Variants in SLC24A2 observed in about 807,000 individuals in gnomAD.
SLC24A2 encodes sodium/potassium/calcium exchanger 2.
SLC24A2 carries 36 observed loss-of-function variants against 62.0 expected under a neutral mutation model. That is an observed-to-expected ratio of 0.58 (90% CI 0.44 to 0.77). SLC24A2 has a LOEUF of 0.77. Among genes scored for constraint, SLC24A2 ranks in the 30% least tolerant of loss-of-function variants. The pLI, the probability that SLC24A2 is intolerant of heterozygous loss-of-function variation, is 0.00. For missense variants in SLC24A2, 846 were observed against 817.9 expected, an observed-to-expected ratio of 1.03 and a Z score of -0.42; for synonymous variants, 358 against 294.0, an observed-to-expected ratio of 1.22 and a Z score of -2.23.
intron 2 of SLC24A2, among the ~76,000 whole-genome samples, chr9:19,649,534 A>G (rs2224488): frequency 4.6e-5 from 7 of 151,942 alleles, no homozygotes; most frequent in Non-Finnish European, 7.4e-5. Context: ...TTTCTTTCAG[A>G]ATTTGAAAAT....
intron 2 of SLC24A2, among the ~76,000 whole-genome samples, chr9:19,639,596 C>T (rs1023935490): frequency 1.4e-4 from 22 of 152,228 alleles, no homozygotes; most frequent in East Asian, 1.9e-4. Flanking sequence ...GCATGGGACA[C>T]GCCCAGGTGT....
the SLC24A2 span, among the ~76,000 whole-genome samples, chr9:20,241,221 A>T: frequency 6.4e-3 from 971 of 152,344 alleles, 9 homozygotes; most frequent in African/African-American, 0.019. Flanking sequence ...TTAGGACCCA[A>T]AAGAAATTAC....
chr9:19,665,047 T>C (rs187465195), intron 2 of SLC24A2, among the ~76,000 whole-genome samples: 5 of 152,260 alleles, frequency 3.3e-5, no homozygotes, highest in Non-Finnish European at 5.9e-5. Flanking sequence ...CTCTTCCTCA[T>C]AGAATTTCAA....
the SLC24A2 span, among the ~76,000 whole-genome samples, chr9:20,125,287 A>G: frequency 6.6e-6 from 1 of 152,198 alleles, no homozygotes; most frequent in African/African-American, 2.4e-5. Flanking sequence ...ATATGTATTC[A>G]TTTTACAGAT....
chr9:19,851,795 G>A, the SLC24A2 span, among the ~76,000 whole-genome samples: 8 of 152,300 alleles, frequency 5.3e-5, no homozygotes, highest in African/African-American at 1.9e-4. Flanking sequence ...GAACATACAA[G>A]TGCATGTATC....
chr9:19,849,072 G>A, the SLC24A2 span, among the ~76,000 whole-genome samples: 1 of 152,178 alleles, frequency 6.6e-6, no homozygotes, highest in East Asian at 1.9e-4. Context: ...CGAGAAATGT[G>A]TACAGGGCTG....
At chr9:20,169,463 C>T in the SLC24A2 span, among the ~76,000 whole-genome samples, 2 of 152,112 alleles carry the variant, frequency 1.3e-5, no homozygotes, top group African/African-American at 4.8e-5. Flanking sequence ...CAAATACTAG[C>T]AGGTGTGGAA....
At chr9:20,058,596 G>A in the SLC24A2 span, among the ~76,000 whole-genome samples, 1 of 151,758 alleles carries the variant, frequency 6.6e-6, no homozygotes, top group Non-Finnish European at 1.5e-5. Context: ...AAAACCTCTT[G>A]CCAAGACGCA....
chr9:20,262,146 G>T, the SLC24A2 span, among the ~76,000 whole-genome samples: 1 of 152,164 alleles, frequency 6.6e-6, no homozygotes, highest in East Asian at 1.9e-4. Flanking sequence ...AAATAATGCT[G>T]TAATACTATT....
chr9:20,013,916 A>G, the SLC24A2 span, among the ~76,000 whole-genome samples: 3 of 152,342 alleles, frequency 2.0e-5, no homozygotes, highest in African/African-American at 7.2e-5. Context: ...TTTATCAAAA[A>G]GATAAAAGAT....
chr9:20,272,158 A>G, the SLC24A2 span, among the ~76,000 whole-genome samples: 3 of 152,366 alleles, frequency 2.0e-5, no homozygotes, highest in East Asian at 5.8e-4. Flanking sequence ...CGTAGAGCCT[A>G]AAAGTTAAAA....
the SLC24A2 span, among the ~76,000 whole-genome samples, chr9:19,917,825 A>G: frequency 3.3e-5 from 5 of 152,132 alleles, no homozygotes; most frequent in African/African-American, 1.2e-4. Context: ...TCCAGTAACT[A>G]CAAATGTGGC....
chr9:20,018,142 T>C, the SLC24A2 span, among the ~76,000 whole-genome samples: 1 of 152,076 alleles, frequency 6.6e-6, no homozygotes, highest in East Asian at 1.9e-4. Flanking sequence ...AGAGATGGGG[T>C]TTCACCATGT....
the SLC24A2 span, among the ~76,000 whole-genome samples, chr9:20,049,642 C>CATATGTTAAGTATTAAGTT: frequency 1.3e-5 from 2 of 151,722 alleles, no homozygotes; most frequent in South Asian, 2.1e-4. Flanking sequence ...ACAAAGATGA[C>CATATGTTAAGTATTAAGTT]AAATATGTTA....
the SLC24A2 span, among the ~76,000 whole-genome samples, chr9:20,179,583 T>A: frequency 6.6e-6 from 1 of 152,094 alleles, no homozygotes. Context: ...TTTGAAAGCT[T>A]CCCTCTGTGC....
At chr9:19,562,256 C>T (rs1835441692) in intron 7 of SLC24A2, among the ~76,000 whole-genome samples, 1 of 152,122 alleles carries the variant, frequency 6.6e-6, no homozygotes, top group Admixed American at 6.6e-5. Flanking sequence ...ATTCAAAAAT[C>T]ATTTCATCTT....
chr9:20,206,166 A>G, the SLC24A2 span, among the ~76,000 whole-genome samples: 1 of 152,226 alleles, frequency 6.6e-6, no homozygotes, highest in African/African-American at 2.4e-5. Context: ...TTAAGAAACT[A>G]CCACTTGTCA....
the SLC24A2 span, among the ~76,000 whole-genome samples, chr9:20,145,482 C>T: frequency 6.6e-6 from 1 of 151,502 alleles, no homozygotes; most frequent in Non-Finnish European, 1.5e-5. Context: ...AATTTATTCT[C>T]GATTATAGTG....
At chr9:19,826,221 G>T in the SLC24A2 span, among the ~76,000 whole-genome samples, 1 of 149,220 alleles carries the variant, frequency 6.7e-6, no homozygotes, top group African/African-American at 2.5e-5. Context: ...GGAAGAAGTG[G>T]CATTTAACAT....
Sources: gnomAD v4.1 joint callset for allele counts (sites outside exome capture counted in the v4.1 genomes callset) on GRCh38, gnomAD v4.1.1 for gene constraint, MANE v1.5 for transcripts, NCBI Gene and HGNC (gene_info 2026-07-23, HGNC 2026-07-21) for gene names.